PANK2: variants seen among roughly 807,000 people sequenced by gnomAD.
The protein encoded by PANK2 is pantothenate kinase 2, mitochondrial.
In PANK2, 36 loss-of-function variants were observed where a neutral mutation model predicts 43.1. The observed-to-expected ratio is 0.84, with a 90% confidence interval of 0.64 to 1.10. The LOEUF is 1.10. Among genes scored for constraint, PANK2 ranks in the 50% least tolerant of loss-of-function variants. The pLI, the probability that PANK2 is intolerant of heterozygous loss-of-function variation, is 0.00. For missense variants in PANK2, 576 were observed against 593.3 expected (o/e 0.97, Z 0.30); for synonymous variants, 281 against 238.2 (o/e 1.18, Z -1.66).
Position 3,889,699 on chromosome 20 carries a change from G to A in PANK2, c.269G>A (p.Arg90His). 6.3e-7 allele frequency: 1 copy of A among 1,596,224 alleles called. No individual in the cohort carries two copies. Residue 90 changes from arginine (R) to histidine (H), a missense_variant, in exon 1 of 7, where the codon CGC becomes CAC. Transcript: ENST00000610179. ...GGCCCCACCTCGGTCTCCCGCCAGC[G>A]CGTCGAAAGCCTGAGGAAAAAGCGG...
intron 1 of PANK2, among the ~76,000 whole-genome samples, chr20:3,900,241 CTATA>C (rs2090279636): frequency 6.6e-6 from 1 of 151,828 alleles, no homozygotes; most frequent in Admixed American, 6.6e-5. Context: ...CCGTCAGTAA[CTATA>C]TGATTATGAG....
At chr20:3,913,630 C>T (rs903521986) in intron 4 of PANK2, among the ~76,000 whole-genome samples, 10 of 151,322 alleles carry the variant, frequency 6.6e-5, no homozygotes, top group Admixed American at 2.6e-4. Flanking sequence ...CCACCGCGCC[C>T]GGCTGCCACA....
At chr20:3,912,993 G>C (rs1028542975) in intron 4 of PANK2, among the ~76,000 whole-genome samples, 7 of 142,124 alleles carry the variant, frequency 4.9e-5, no homozygotes, top group Non-Finnish European at 1.1e-4. Flanking sequence ...TTTTAAAAAA[G>C]CTCTATTGAG....
chr20:3,893,931 GT>G (rs374582085), intron 1 of PANK2, among the ~76,000 whole-genome samples: 25,954 of 72,968 alleles, frequency 0.36, 2,246 homozygotes, highest in Non-Finnish European at 0.41. Flanking sequence ...TTTGTTTTTT[GT>G]TTTTTTTTTT....
intron 6 of PANK2, among the ~76,000 whole-genome samples, chr20:3,920,529 A>AAACAAC (rs368099328): frequency 1.3e-5 from 2 of 149,228 alleles, no homozygotes; most frequent in African/African-American, 5.0e-5. Context: ...AAACAAAAAC[A>AAACAAC]AACAACAACA....
At position 3,910,651 on chromosome 20, in the gene PANK2, C is replaced by G; in HGVS notation, c.726C>G (p.Val242=). 1.2e-6 allele frequency: 2 copies of G among 1,614,072 alleles called. No homozygotes were observed. The highest frequency in any genetic ancestry group is 2.2e-5 in the South Asian group (2 of 91,062). The change falls in exon 3 of 7, where the codon GTC becomes GTG. Residue 242 remains valine (V), a synonymous_variant. Transcript: ENST00000610179. ...AAGGAATTTTATACATTGACTCAGT[C>G]GGATTCAATGGACGGTCACAGTGCT...
chr20:3,901,744 T>C, intron 1 of PANK2: 2 of 324,738 alleles, frequency 6.2e-6, no homozygotes, highest in Non-Finnish European at 8.8e-6. Context: ...GGCATTCATC[T>C]ACCAATTATG....
chr20:3,912,394 T>C (rs1036923157), intron 3 of PANK2, 64 bp from the exon 4 acceptor site: 2 of 1,558,134 alleles, frequency 1.3e-6, no homozygotes, highest in Non-Finnish European at 1.8e-6. Flanking sequence ...GGTTCATAAA[T>C]GTTAACTTCT....
chr20:3,924,849 C>G lies in PANK2; in HGVS notation c.*1555C>G, dbSNP rs1466394845. 1 of 152,602 alleles carries G rather than the reference C, an allele frequency of 6.6e-6. No homozygotes were observed. Among genetic ancestry groups the G allele is most frequent in the East Asian group, 1.9e-4 (1 of 5,208 alleles). The allele number at this position is 152,602 out of a possible 1,614,324, so 9.5% of individuals were successfully genotyped here. On this transcript the variant is annotated 3_prime_UTR_variant, in exon 7 of 7. Transcript: ENST00000610179. Reference sequence around the variant, plus strand: ...AGGGTGCTGCTCCCTGGGCCAACTCCTGTGAACTTGCTCACTTCCCATGGA... The same window carrying G: ...AGGGTGCTGCTCCCTGGGCCAACTCGTGTGAACTTGCTCACTTCCCATGGA...
rs962673913 is a variant in PANK2, at chr20:3,929,835, A to G, written c.*6541A>G. 3.9e-5 allele frequency: 6 copies of G among 152,264 alleles called. No homozygotes were observed. The highest frequency in any genetic ancestry group is 8.8e-5 in the Non-Finnish European group (6 of 68,046). 9.4% of individuals were successfully genotyped at this position (152,264 alleles called of 1,614,324 possible). A position where few individuals can be genotyped will look rare whatever the true frequency, so the allele number is the denominator to read the frequency against. On this transcript the variant is annotated 3_prime_UTR_variant, in exon 7 of 7. Coordinates refer to ENST00000610179, the MANE Select transcript of PANK2 (RefSeq NM_001386393.1). ...AGGGACTGCAGATTCTGATTTGTAC[A>G]GAAAACTAAAATTTCAGTATGTTGC... is the stretch of plus-strand genomic sequence containing the variant.
At chr20:3,907,796 C>T (rs2090410393) in intron 1 of PANK2, 130 bp from the exon 2 acceptor site, 1 of 758,048 alleles carries the variant, frequency 1.3e-6, no homozygotes. Flanking sequence ...CATTTCTTTG[C>T]CCCAAAACCC....
intron 2 of PANK2, 89 bp from the exon 3 acceptor site, chr20:3,910,488 G>GT: frequency 7.0e-7 from 1 of 1,434,140 alleles, no homozygotes; most frequent in African/African-American, 1.4e-5. Context: ...TTTCATGGTT[G>GT]TTTCACGTAG....
At chr20:3,895,579 G>T (rs1028658275) in intron 1 of PANK2, among the ~76,000 whole-genome samples, 14 of 145,864 alleles carry the variant, frequency 9.6e-5, no homozygotes, top group Non-Finnish European at 2.1e-4. Context: ...GCAATGAAAA[G>T]AATGGCTATT....
intron 4 of PANK2, among the ~76,000 whole-genome samples, chr20:3,913,245 C>T (rs1024409793): frequency 2.0e-5 from 3 of 152,186 alleles, no homozygotes; most frequent in Non-Finnish European, 4.4e-5. Context: ...TGGTATCATA[C>T]AGTATATGAT....
rs911560228 is a variant in PANK2, at chr20:3,889,450, G to T, written c.20G>T (p.Arg7Leu). 3 of 1,550,026 alleles carry T rather than the reference G, an allele frequency of 1.9e-6. No individual in the cohort carries two copies. Among genetic ancestry groups the T allele is most frequent in the East Asian group, 2.4e-5 (1 of 42,310 alleles). ...CCGACGCTGGGGGGCTTGCTCGGGC[G>T]GCAGCGACTGCTGCTGCGGATGGGA... Residue 7 changes from arginine (R) to leucine (L), a missense_variant, in exon 1 of 7, where the codon CGG becomes CTG. This residue lies in a region of PANK2 where 544 missense variants were observed against 528.9 expected (regional missense o/e 1.03). Coordinates refer to ENST00000610179, the MANE Select transcript of PANK2 (RefSeq NM_001386393.1).
At position 3,929,603 on chromosome 20, in the gene PANK2, TCAC is replaced by T. The variant is rs1400974729; in HGVS notation, c.*6313_*6315del. The T allele has an allele frequency of 6.6e-6, 1 of 152,424 alleles. No individual in the cohort carries two copies. Among genetic ancestry groups the T allele is most frequent in the Non-Finnish European group, 1.5e-5 (1 of 68,198 alleles). The allele number at this position is 152,424 out of a possible 1,614,324, so 9.4% of individuals were successfully genotyped here. A position where few individuals can be genotyped will look rare whatever the true frequency, so the allele number is the denominator to read the frequency against. The stretch of plus-strand genomic sequence containing the variant: ...TGACCACAACAGTTGCAGCCACACA[TCAC>T]CACTGGTCCTCACTTGGAACTGGCC... On this transcript the variant is annotated 3_prime_UTR_variant, in exon 7 of 7. Coordinates refer to ENST00000610179, the MANE Select transcript of PANK2 (RefSeq NM_001386393.1).
intron 1 of PANK2, among the ~76,000 whole-genome samples, chr20:3,893,931 G>GTTTTTTTTTTTTTTTT (rs374582085): frequency 1.4e-5 from 1 of 73,164 alleles, no homozygotes. Flanking sequence ...TTTGTTTTTT[G>GTTTTTTTTTTTTTTTT]TTTTTTTTTT....
chr20:3,901,942 T>C (rs555660288), intron 1 of PANK2, among the ~76,000 whole-genome samples: 2 of 151,980 alleles, frequency 1.3e-5, no homozygotes, highest in Non-Finnish European at 2.9e-5. Flanking sequence ...ATACTGACTT[T>C]TATGTGATTT....
Position 3,900,990 on chromosome 20 carries a change from G to C in PANK2, c.299-6936G>C, listed in dbSNP as rs928203779. On this transcript the variant is annotated intron_variant, in intron 1 of 6. Transcript: ENST00000610179. ...TCACGATGTTGGCCAGGCTGGTCTC[G>C]AACTCATGACCTCAAGTGATCCACC... is the stretch of plus-strand genomic sequence containing the variant. Among the ~76,000 whole-genome samples, 9 of 151,622 alleles carry C rather than the reference G, an allele frequency of 5.9e-5. No individual in the cohort carries two copies. The South Asian group carries it at 1.9e-3, about 32-fold the overall frequency.
Sources: allele counts gnomAD v4.1 joint callset (sites outside exome capture counted in the v4.1 genomes callset), GRCh38; gene constraint gnomAD v4.1.1; regional missense constraint gnomAD v4.1.1; transcripts MANE v1.5; gene names NCBI Gene and HGNC (gene_info 2026-07-23, HGNC 2026-07-21).